CEP70: variants seen among roughly 807,000 people sequenced by gnomAD.
The protein encoded by CEP70 is centrosomal protein 70.
CEP70 carries 70 observed loss-of-function variants against 90.9 expected under a neutral mutation model. That is an observed-to-expected ratio of 0.77 (90% CI 0.64 to 0.94). The LOEUF is 0.94. CEP70 is among the 40% of genes least tolerant of loss of function. CEP70 has a pLI of 0.00. For missense variants in CEP70, 648 were observed against 669.0 expected (o/e 0.97, Z 0.35); for synonymous variants, 220 against 228.3 (o/e 0.96, Z 0.33).
Position 138,537,176 on chromosome 3 carries a change from A to C in CEP70, c.635+2T>G. 6.6e-7 allele frequency: 1 copy of C among 1,511,336 alleles called. No individual in the cohort carries two copies. The highest frequency in any genetic ancestry group is 8.8e-7 in the Non-Finnish European group (1 of 1,134,502). 93.6% of individuals were successfully genotyped at this position (1,511,336 alleles called of 1,614,324 possible). A position where few individuals can be genotyped will look rare whatever the true frequency, so the allele number is the denominator to read the frequency against. On this transcript the variant is annotated splice_donor_variant, in intron 7 of 17. Transcript: ENST00000264982. LOFTEE classifies it high-confidence loss of function. The stretch of plus-strand genomic sequence containing the variant: ...ACATATCAATTTATGTAGCAAAATT[A>C]CTGTCTATCCAAGACGGTATGAGGA...
At chr3:138,498,495 C>A (rs555778428) in intron 16 of CEP70, among the ~76,000 whole-genome samples, 1 of 151,566 alleles carries the variant, frequency 6.6e-6, no homozygotes, top group Non-Finnish European at 1.5e-5. Flanking sequence ...CCACTACGCC[C>A]GACTAATTTT....
At chr3:138,511,664 C>A (rs1016951988) in intron 11 of CEP70, among the ~76,000 whole-genome samples, 1 of 152,076 alleles carries the variant, frequency 6.6e-6, no homozygotes, top group Non-Finnish European at 1.5e-5. Flanking sequence ...AAATAGATAC[C>A]CTCACTTAAT....
intron 6 of CEP70, among the ~76,000 whole-genome samples, chr3:138,567,362 C>T (rs2040864458): frequency 6.6e-6 from 1 of 152,200 alleles, no homozygotes; most frequent in African/African-American, 2.4e-5. Flanking sequence ...TTCATCTTCT[C>T]AAGAAAGCAA....
chr3:138,515,416 A>C (rs1215311432), intron 11 of CEP70, among the ~76,000 whole-genome samples: 2 of 149,184 alleles, frequency 1.3e-5, no homozygotes, highest in Non-Finnish European at 3.0e-5. Context: ...GCACTTCAGC[A>C]CTAACTCAGA....
chr3:138,578,050 G>A (rs2041648475), intron 2 of CEP70, among the ~76,000 whole-genome samples: 1 of 152,164 alleles, frequency 6.6e-6, no homozygotes, highest in African/African-American at 2.4e-5. Context: ...CCCTATACAT[G>A]GGGATTGGTT....
intron 6 of CEP70, among the ~76,000 whole-genome samples, chr3:138,543,310 G>A (rs951111588): frequency 2.0e-5 from 3 of 152,132 alleles, no homozygotes; most frequent in Admixed American, 6.5e-5. Context: ...TGCGCTCGTC[G>A]GCATCCAAAG....
chr3:138,586,830 A>G (rs1006086124), intron 2 of CEP70, among the ~76,000 whole-genome samples: 2 of 152,252 alleles, frequency 1.3e-5, no homozygotes, highest in Non-Finnish European at 2.9e-5. Flanking sequence ...CTAAAAGAGA[A>G]TAATTGGATT....
intron 2 of CEP70, among the ~76,000 whole-genome samples, chr3:138,583,496 A>C (rs565370939): frequency 3.3e-5 from 5 of 152,350 alleles, no homozygotes; most frequent in African/African-American, 1.2e-4. Flanking sequence ...ATGGCTGAAG[A>C]ATACACATTC....
intron 6 of CEP70, among the ~76,000 whole-genome samples, chr3:138,564,414 A>G (rs2040627521): frequency 1.3e-5 from 2 of 152,350 alleles, no homozygotes; most frequent in South Asian, 2.1e-4. Context: ...TTTCAGGCCA[A>G]TAACCCTGAT....
intron 2 of CEP70, among the ~76,000 whole-genome samples, chr3:138,577,208 T>G (rs1442781001): frequency 1.5e-4 from 23 of 149,984 alleles, no homozygotes; most frequent in Admixed American, 3.3e-4. Flanking sequence ...GGTGGGGGGA[T>G]GGGGGAGGGA....
In CEP70 at chr3:138,495,006, G is replaced by C; in HGVS notation, c.*9C>G. The C allele has an allele frequency of 7.3e-7, 1 of 1,368,622 alleles. No homozygotes were observed. The allele number at this position is 1,368,622 out of a possible 1,614,324, so 84.8% of individuals were successfully genotyped here. On this transcript the variant is annotated 3_prime_UTR_variant, in exon 18 of 18. Coordinates refer to ENST00000264982, the MANE Select transcript of CEP70 (RefSeq NM_024491.4). ...ACAATTTACACAGTAAAAATGATTT[G>C]ATTTGTTTTCAGTATGAAAGTACTT...
chr3:138,573,143 T>TAATG (rs2041294042), intron 2 of CEP70, among the ~76,000 whole-genome samples: 1 of 152,152 alleles, frequency 6.6e-6, no homozygotes, highest in Non-Finnish European at 1.5e-5. Flanking sequence ...CCCTATCTTA[T>TAATG]AATGTTCTCC....
chr3:138,527,660 A>T (rs903353948), intron 10 of CEP70, among the ~76,000 whole-genome samples: 1 of 147,848 alleles, frequency 6.8e-6, no homozygotes, highest in Admixed American at 6.9e-5. Flanking sequence ...GTGCCACAGC[A>T]CTCCAGCCTG....
rs1224097376 is a variant in CEP70 at position 138,570,347 on chromosome 3, C to G, written c.436G>C (p.Asp146His). 1 of 1,587,002 alleles carries G rather than the reference C, an allele frequency of 6.3e-7. No homozygotes were observed. Among genetic ancestry groups the G allele is most frequent in the Non-Finnish European group, 8.5e-7 (1 of 1,171,786 alleles). Residue 146 changes from aspartate to histidine, a missense_variant, in exon 6 of 18, where the codon GAT (aspartate) becomes CAT (histidine). Asp to His is a moderately conservative substitution (Grantham distance 81). Coordinates refer to ENST00000264982, the MANE Select transcript of CEP70 (RefSeq NM_024491.4). Reference sequence around the variant, plus strand: ...AAAGTTTTCTGCTCCTTTTGAAGATCTTTTATTTTATTCTGTTGGTGGCAA... The same window carrying G: ...AAAGTTTTCTGCTCCTTTTGAAGATGTTTTATTTTATTCTGTTGGTGGCAA... ...RACHQQNKIK[D>H]LQKEQKTLQV...
chr3:138,510,251 T>TTA (rs1553838260), intron 11 of CEP70, among the ~76,000 whole-genome samples: 1 of 136,450 alleles, frequency 7.3e-6, no homozygotes, highest in East Asian at 2.1e-4. Flanking sequence ...CCCTGTCTAC[T>TTA]AAAAAAAAAA....
intron 10 of CEP70, 147 bp downstream of exon 10, chr3:138,529,052 G>C: frequency 1.8e-6 from 1 of 562,008 alleles, no homozygotes; most frequent in Non-Finnish European, 3.1e-6. Context: ...TATAGCCCCA[G>C]CTACTTAAGA....
At position 138,500,473 on chromosome 3, in the gene CEP70, C is replaced by T. The variant is rs182373450; in HGVS notation, c.1463G>A (p.Arg488Gln). 22 of 1,610,946 alleles carry T rather than the reference C, an allele frequency of 1.4e-5. No individual in the cohort carries two copies. The East Asian group carries it at 2.9e-4, about 21-fold the overall frequency. Residue 488 changes from arginine (R) to glutamine (Q), a missense_variant, in exon 15 of 18, where the codon CGA becomes CAA. Coordinates refer to ENST00000264982, the MANE Select transcript of CEP70 (RefSeq NM_024491.4). Reference protein sequence around the residue: ...DVPSLNGVYPRMNEVYTRLGE... With the variant: ...DVPSLNGVYPQMNEVYTRLGE... ...AAGCCTAGTATAAACTTCATTCATT[C>T]GGGGATAGACTCCATTTAAAGAAGG...
intron 6 of CEP70, among the ~76,000 whole-genome samples, chr3:138,565,642 A>G (rs972848632): frequency 2.0e-5 from 3 of 152,230 alleles, no homozygotes; most frequent in Admixed American, 6.5e-5. Context: ...CCATATGCAG[A>G]AAACTGAAAC....
At chr3:138,564,617 T>C (rs113448312) in intron 6 of CEP70, among the ~76,000 whole-genome samples, 63 of 152,294 alleles carry the variant, frequency 4.1e-4, no homozygotes, top group African/African-American at 1.5e-3. Flanking sequence ...TCTCAATAGA[T>C]GCAGAAAAGG....
Sources: gnomAD v4.1 joint callset for allele counts (sites outside exome capture counted in the v4.1 genomes callset) on GRCh38, gnomAD v4.1.1 for gene constraint, MANE v1.5 for transcripts, NCBI Gene and HGNC (gene_info 2026-07-23, HGNC 2026-07-21) for gene names.